PIK3R3: variants seen among roughly 807,000 people sequenced by gnomAD.
PIK3R3 encodes phosphoinositide-3-kinase regulatory subunit 3.
PIK3R3 carries 64 observed loss-of-function variants against 62.9 expected under a neutral mutation model. The observed-to-expected ratio is 1.02, with a 90% CI of 0.83 to 1.25. The LOEUF (loss-of-function observed/expected upper bound fraction) is 1.25, where lower values mean the gene tolerates loss of function less well. Ranked by LOEUF, PIK3R3 falls within the 50% of genes most tolerant of loss-of-function variation. The pLI is 0.00. For synonymous variants in PIK3R3, 165 were observed against 189.0 expected (o/e 0.87, Z 1.04); for missense variants, 614 against 561.6 (o/e 1.09, Z -0.94).
At chr1:46,101,229 C>T (rs1652643493) in intron 1 of PIK3R3, among the ~76,000 whole-genome samples, 1 of 151,074 alleles carries the variant, frequency 6.6e-6, no homozygotes. Context: ...GGCGTGGTGG[C>T]TCACGCCTGT....
At position 46,043,420 on chromosome 1, in the gene PIK3R3, T is replaced by C. The variant is rs1055360558; in HGVS notation, c.*253A>G. 1 of 493,452 alleles carries C rather than the reference T, an allele frequency of 2.0e-6. No homozygotes were observed. The highest frequency in any genetic ancestry group is 3.7e-6 in the Non-Finnish European group (1 of 270,288). The allele number at this position is 493,452 out of a possible 1,614,324, so 30.6% of individuals were successfully genotyped here. A position where few individuals can be genotyped will look rare whatever the true frequency, so the allele number is the denominator to read the frequency against. On this transcript the variant is annotated 3_prime_UTR_variant, in exon 10 of 10. Coordinates refer to ENST00000262741, the MANE Select transcript of PIK3R3 (RefSeq NM_003629.4). ...TGGCTAAACAAAACAAAAACCCCAA[T>C]GAAACAGACTTTCAAAAAAAACATC...
chr1:46,142,611 T>A, the PIK3R3 span, among the ~76,000 whole-genome samples: 1 of 150,850 alleles, frequency 6.6e-6, no homozygotes, highest in Non-Finnish European at 1.5e-5. Flanking sequence ...GGCAGGAGAA[T>A]GGTGTGAACC....
intron 7 of PIK3R3, chr1:46,047,957 T>C (rs1201176451): frequency 1.3e-5 from 2 of 152,218 alleles, no homozygotes; most frequent in Non-Finnish European, 2.9e-5. Flanking sequence ...ATTTTCGTAT[T>C]TTTAGTACAG....
chr1:46,149,634 G>A, the PIK3R3 span, among the ~76,000 whole-genome samples: 1 of 151,884 alleles, frequency 6.6e-6, no homozygotes, highest in Non-Finnish European at 1.5e-5. Flanking sequence ...GGGTCTAAGC[G>A]ATTCTCTTGC....
intron 5 of PIK3R3, among the ~76,000 whole-genome samples, chr1:46,064,491 AGATG>A (rs1348401881): frequency 2.0e-5 from 3 of 152,172 alleles, no homozygotes; most frequent in African/African-American, 2.4e-5. Flanking sequence ...CAGTGAGCTG[AGATG>A]GTGCCACTTC....
chr1:46,105,425 A>T (rs1174033413), intron 1 of PIK3R3, among the ~76,000 whole-genome samples: 1 of 151,814 alleles, frequency 6.6e-6, no homozygotes, highest in African/African-American at 2.4e-5. Flanking sequence ...CTCGAACTGA[A>T]CCCAGGAAGC....
chr1:46,107,802 C>T (rs1297083972), intron 1 of PIK3R3, among the ~76,000 whole-genome samples: 2 of 152,144 alleles, frequency 1.3e-5, no homozygotes, highest in African/African-American at 4.8e-5. Flanking sequence ...TTATCTATTG[C>T]TTATATTGTT....
chr1:46,143,109 G>T, the PIK3R3 span, among the ~76,000 whole-genome samples: 2 of 152,194 alleles, frequency 1.3e-5, no homozygotes, highest in Admixed American at 1.3e-4. Flanking sequence ...ACTCAATAAT[G>T]AAATTACAGC....
At position 46,125,426 on chromosome 1, in the gene PIK3R3, T is replaced by G. The variant is rs550916135; in HGVS notation, c.106+6421A>C. On this transcript the variant is annotated intron_variant, in intron 1 of 9. Transcript: ENST00000262741. ...AGTATTTATATAAGATGAATCCAAA[T>G]GTGCAGGGTTAAAAATAAAAATTCA... Among the ~76,000 whole-genome samples the G allele has an allele frequency of 2.6e-5, 4 of 152,170 alleles. No homozygotes were observed. In the East Asian group the frequency reaches 7.7e-4, roughly 29 times the overall value.
chr1:46,061,842 G>T, intron 6 of PIK3R3, 87 bp downstream of exon 6: 3 of 1,258,322 alleles, frequency 2.4e-6, no homozygotes, highest in Non-Finnish European at 3.5e-6. Context: ...GCAGTTTGAG[G>T]GGGTAAAAGA....
intron 1 of PIK3R3, among the ~76,000 whole-genome samples, chr1:46,103,751 C>T (rs57596907): frequency 0.033 from 4,973 of 150,604 alleles, 277 homozygotes; most frequent in African/African-American, 0.11. Flanking sequence ...CCTGCCACCA[C>T]GCCCAGCTAA....
At chr1:46,061,310 C>T (rs1228323522) in intron 6 of PIK3R3, among the ~76,000 whole-genome samples, 3 of 152,206 alleles carry the variant, frequency 2.0e-5, no homozygotes, top group African/African-American at 7.2e-5. Context: ...ATTCCCATGA[C>T]CTCCCGCTTC....
chr1:46,126,414 T>C (rs1202123978), intron 1 of PIK3R3, among the ~76,000 whole-genome samples: 1 of 151,830 alleles, frequency 6.6e-6, no homozygotes, highest in Non-Finnish European at 1.5e-5. Context: ...GGTAGGCACC[T>C]GTAACCCCAG....
chr1:46,046,207 T>C (rs1647112701), intron 8 of PIK3R3, 119 bp from the exon 9 acceptor site: 2 of 653,672 alleles, frequency 3.1e-6, no homozygotes, highest in Admixed American at 3.1e-5. Flanking sequence ...ATTGCAATTA[T>C]TTGGGTGTTA....
chr1:46,052,666 T>C (rs1647464672), intron 7 of PIK3R3, among the ~76,000 whole-genome samples: 1 of 152,186 alleles, frequency 6.6e-6, no homozygotes, highest in Non-Finnish European at 1.5e-5. Context: ...AATTCTATCA[T>C]CATAGATAGG....
rs2149368548 is a variant in PIK3R3, at chr1:46,042,527, T to G, written c.*1146A>C. The G allele has an allele frequency of 4.6e-6, 1 of 217,316 alleles. No homozygotes were observed. The highest frequency in any genetic ancestry group is 6.8e-5 in the East Asian group (1 of 14,664). 13.5% of individuals were successfully genotyped at this position (217,316 alleles called of 1,614,324 possible). A position where few individuals can be genotyped will look rare whatever the true frequency, so the allele number is the denominator to read the frequency against. The stretch of plus-strand genomic sequence containing the variant: ...GCACCTGACCACAATCTGACTCCCC[T>G]CCTTAGCAACCTATAGCTCCCAAAA... On this transcript the variant is annotated 3_prime_UTR_variant, in exon 10 of 10. Coordinates refer to ENST00000262741, the MANE Select transcript of PIK3R3 (RefSeq NM_003629.4). The surrounding 1 kb of genome is among the most constrained non-coding windows in gnomAD (Gnocchi z 4.3).
At chr1:46,129,525 T>G (rs1014472391) in intron 1 of PIK3R3, among the ~76,000 whole-genome samples, 1 of 152,064 alleles carries the variant, frequency 6.6e-6, no homozygotes, top group African/African-American at 2.4e-5. Flanking sequence ...CAGATGATAC[T>G]CTTAACATTA....
chr1:46,065,533 C>T (rs565504916), intron 5 of PIK3R3, among the ~76,000 whole-genome samples: 23 of 152,190 alleles, frequency 1.5e-4, no homozygotes, highest in Admixed American at 3.3e-4. Context: ...TAGCTGTGAC[C>T]TGTAGCTAGG....
chr1:46,045,644 T>TTTC lies in PIK3R3; in HGVS notation c.1187+273_1187+274insGAA, dbSNP rs370501368. Among the ~76,000 whole-genome samples, 4 of 82,596 alleles carry TTTC rather than the reference T, an allele frequency of 4.8e-5. 1 individual carries two copies. Among genetic ancestry groups the TTTC allele is most frequent in the East Asian group, 4.6e-4 (1 of 2,184 alleles). 54.2% of individuals were successfully genotyped at this position (82,596 alleles called of 152,430 possible). A position where few individuals can be genotyped will look rare whatever the true frequency, so the allele number is the denominator to read the frequency against. On this transcript the variant is annotated intron_variant, in intron 9 of 9. Transcript: ENST00000262741. The stretch of plus-strand genomic sequence containing the variant: ...TTTTTTTTTTTTTTTTTTTTTTTTT[T>TTTC]CAATTTAAGATCTCACATTACCTTT...
Sources: allele counts gnomAD v4.1 joint callset (sites outside exome capture counted in the v4.1 genomes callset), GRCh38; gene constraint gnomAD v4.1.1; non-coding constraint Gnocchi (gnomAD v3.1); transcripts MANE v1.5; gene names NCBI Gene and HGNC (gene_info 2026-07-23, HGNC 2026-07-21).